Variants in RAD54L observed in about 807,000 individuals in gnomAD.
RAD54L encodes the protein DNA repair and recombination protein RAD54-like.
In RAD54L, 74 loss-of-function variants were observed where a neutral mutation model predicts 91.6. That is an observed-to-expected ratio of 0.81 (90% confidence interval 0.67 to 0.98). The LOEUF (loss-of-function observed/expected upper bound fraction) is 0.98. RAD54L is among the 50% of genes least tolerant of loss of function. The pLI, the probability that RAD54L is intolerant of heterozygous loss-of-function variation, is 0.00. For missense variants in RAD54L, 887 were observed against 945.7 expected (o/e 0.94, Z 0.81); for synonymous variants, 304 against 349.7 (o/e 0.87, Z 1.46).
rs139448277 is a variant in RAD54L at position 46,260,764 on chromosome 1, G to T, written c.515G>T (p.Arg172Leu). 1.2e-6 allele frequency: 2 copies of T among 1,614,206 alleles called. No homozygotes were observed. Among genetic ancestry groups the T allele is most frequent in the African/African-American group, 2.7e-5 (2 of 75,054 alleles). The change falls in exon 7 of 18, where the codon CGC (arginine) becomes CTC (leucine). Residue 172 changes from arginine to leucine, a missense_variant. Coordinates refer to ENST00000371975, the MANE Select transcript of RAD54L (RefSeq NM_003579.4). ...CTGTGGGAGTGTGTCACCAGTCGGC[G>T]CATCCCTGGCAGCCATGGCTGCATC... is the stretch of plus-strand genomic sequence containing the variant. ...KFLWECVTSRRIPGSHGCIMA... is the reference protein window; with the variant it reads ...KFLWECVTSRLIPGSHGCIMA...
Position 46,260,986 on chromosome 1 carries a change from G to T in RAD54L, c.737G>T (p.Gly246Val), listed in dbSNP as rs765201572. ...GRIQPLAIDG[G>V]SKDEIDQKLE... ...ATCCAACCTCTGGCCATCGATGGAG[G>T]ATCTAAGGATGAAATAGACCAAAAG... The change falls in exon 7 of 18, where the codon GGA (glycine) becomes GTA (valine). Residue 246 changes from glycine to valine, a missense_variant. Physicochemically the swap from Gly to Val is moderately radical, Grantham distance 109. Coordinates refer to ENST00000371975, the MANE Select transcript of RAD54L (RefSeq NM_003579.4). 17 of 1,613,848 alleles carry T rather than the reference G, an allele frequency of 1.1e-5. No homozygotes were observed. Among genetic ancestry groups the T allele is most frequent in the Admixed American group, 8.3e-5 (5 of 59,996 alleles).
In RAD54L at chr1:46,278,249, G is replaced by A. The variant is rs778055918; in HGVS notation, c.2211G>A (p.Gln737=). The change falls in exon 18 of 18, where the codon CAG becomes CAA. Residue 737 remains glutamine (Q), a synonymous_variant. Coordinates refer to ENST00000371975, the MANE Select transcript of RAD54L (RefSeq NM_003579.4). ...CTGCCATCACCTTCGTCTTCCACCAGCGTTCTCATGAGGAGCAGCGGGGCC... is the reference window on the plus strand; with the variant it reads ...CTGCCATCACCTTCGTCTTCCACCAACGTTCTCATGAGGAGCAGCGGGGCC... ...ASTAITFVFH[Q]RSHEEQRGLR 5 of 1,613,806 alleles carry A rather than the reference G, an allele frequency of 3.1e-6. No individual in the cohort carries two copies. The South Asian group carries it at 4.4e-5, about 14-fold the overall frequency.
intron 9 of RAD54L, among the ~76,000 whole-genome samples, chr1:46,269,230 T>G (rs1660352608): frequency 6.6e-6 from 1 of 152,230 alleles, no homozygotes; most frequent in Admixed American, 6.5e-5. Context: ...GTTTGTCTCC[T>G]TGTGTCAGTA....
chr1:46,277,825 C>T lies in RAD54L; in HGVS notation c.1878C>T (p.Thr626=). ...CACCTCCTCTTCCCCAGGCAGGGAC[C>T]ATTGAGGAGAAGATCTTCCAGCGTC... ...CYIYRLLSAG[T]IEEKIFQRQS... Residue 626 remains threonine, a synonymous_variant, in exon 17 of 18, where the codon ACC becomes ACT. Transcript: ENST00000371975. The T allele has an allele frequency of 6.2e-7, 1 of 1,608,068 alleles. No homozygotes were observed. Among genetic ancestry groups the T allele is most frequent in the Non-Finnish European group, 8.5e-7 (1 of 1,174,764 alleles).
chr1:46,260,149 G>A (rs758353347), intron 5 of RAD54L, 50 bp downstream of exon 5: 107 of 1,610,524 alleles, frequency 6.6e-5, no homozygotes, highest in Non-Finnish European at 8.0e-5. Flanking sequence ...GTATATGCAC[G>A]CATACTTGGG....
Position 46,278,353 on chromosome 1 carries a change from C to T in RAD54L, c.*71C>T. 2 of 1,484,200 alleles carry T rather than the reference C, an allele frequency of 1.3e-6. No homozygotes were observed. The highest frequency in any genetic ancestry group is 1.8e-6 in the Non-Finnish European group (2 of 1,086,768). 91.9% of individuals were successfully genotyped at this position (1,484,200 alleles called of 1,614,324 possible). A position where few individuals can be genotyped will look rare whatever the true frequency, so the allele number is the denominator to read the frequency against. Reference sequence around the variant, plus strand: ...AAAGGGGCTCCTTGCTCCACAGGGCCCTGTTGAATTTTGTTCTCTGGGAGA... The same window carrying T: ...AAAGGGGCTCCTTGCTCCACAGGGCTCTGTTGAATTTTGTTCTCTGGGAGA... On this transcript the variant is annotated 3_prime_UTR_variant, in exon 18 of 18. Coordinates refer to ENST00000371975, the MANE Select transcript of RAD54L (RefSeq NM_003579.4).
In RAD54L at chr1:46,250,153, T is replaced by C. The variant is rs749733827; in HGVS notation, c.210+34T>C. The C allele has an allele frequency of 6.2e-6, 10 of 1,613,622 alleles. 1 individual carries two copies. The South Asian group carries it at 9.9e-5, about 16-fold the overall frequency. ...GAACTGCAACCTGCATGTGTATGTC[T>C]GTGCCCAGTCACTCAGCCTAGGTAG... On this transcript the variant is annotated intron_variant, in intron 3 of 17. Coordinates refer to ENST00000371975, the MANE Select transcript of RAD54L (RefSeq NM_003579.4).
rs1179149274 is a variant in RAD54L, at chr1:46,274,216, G to A, written c.1689G>A (p.Ser563=). Reference sequence around the variant, plus strand: ...TTGTAGAACGCTTCAATAGTCCATCGGTAAATGCACATCCCCGTCCCCACA... The same window carrying A: ...TTGTAGAACGCTTCAATAGTCCATCAGTAAATGCACATCCCCGTCCCCACA... The part of the protein sequence containing the change: ...AKVVERFNSP[S]SPDFVFMLSS... Residue 563 remains serine, a splice_region_variant and synonymous_variant, in exon 15 of 18, where the codon TCG becomes TCA. Coordinates refer to ENST00000371975, the MANE Select transcript of RAD54L (RefSeq NM_003579.4). 11 of 1,609,080 alleles carry A rather than the reference G, an allele frequency of 6.8e-6. No homozygotes were observed. The highest frequency in any genetic ancestry group is 9.4e-6 in the Non-Finnish European group (11 of 1,175,700).
At chr1:46,256,918 C>T (rs949477245) in intron 3 of RAD54L, among the ~76,000 whole-genome samples, 3 of 151,868 alleles carry the variant, frequency 2.0e-5, no homozygotes, top group African/African-American at 2.4e-5. Context: ...CCAAGGTGGA[C>T]GGATCACTTG....
In RAD54L at chr1:46,267,604, T is replaced by A; in HGVS notation, c.1037T>A (p.Ile346Asn). ...TTGGTACATTTTGTTAATTCCGGCA[T>A]CCTAGGTAAGAATCTAGCCTTGTTT... ...FSLVHFVNSGILGTAHEFKKH... is the reference protein window; with the variant it reads ...FSLVHFVNSGNLGTAHEFKKH... Residue 346 changes from isoleucine (I) to asparagine (N), a missense_variant, in exon 9 of 18, where the codon ATC becomes AAC. Physicochemically the swap from Ile to Asn is moderately radical, Grantham distance 149. Transcript: ENST00000371975. 6.2e-7 allele frequency: 1 copy of A among 1,610,670 alleles called. No individual in the cohort carries two copies. The highest frequency in any genetic ancestry group is 8.5e-7 in the Non-Finnish European group (1 of 1,176,938).
chr1:46,278,453 G>A lies in RAD54L; in HGVS notation c.*171G>A. 2 of 836,060 alleles carry A rather than the reference G, an allele frequency of 2.4e-6. No individual in the cohort carries two copies. Among genetic ancestry groups the A allele is most frequent in the Non-Finnish European group, 3.8e-6 (2 of 527,232 alleles). The allele number at this position is 836,060 out of a possible 1,614,324, so 51.8% of individuals were successfully genotyped here. A position where few individuals can be genotyped will look rare whatever the true frequency, so the allele number is the denominator to read the frequency against. On this transcript the variant is annotated 3_prime_UTR_variant, in exon 18 of 18. Coordinates refer to ENST00000371975, the MANE Select transcript of RAD54L (RefSeq NM_003579.4). ...GAAAAACTTTTTTGGTTAAAAAAAAGAATAAAGGTATGAAAGGGTTTGAGG... is the reference window on the plus strand; with the variant it reads ...GAAAAACTTTTTTGGTTAAAAAAAAAAATAAAGGTATGAAAGGGTTTGAGG...
intron 4 of RAD54L, 104 bp from the exon 5 acceptor site, chr1:46,259,860 A>C: frequency 2.0e-6 from 3 of 1,466,798 alleles, no homozygotes; most frequent in Non-Finnish European, 2.9e-6. Context: ...AGAGAGGGTC[A>C]TATGGGAGCT....
At chr1:46,255,747 C>T (rs565711813) in intron 3 of RAD54L, among the ~76,000 whole-genome samples, 5 of 152,086 alleles carry the variant, frequency 3.3e-5, no homozygotes, top group African/African-American at 7.2e-5. Context: ...GTGACCTGCC[C>T]GCCTTGGCCT....
Position 46,258,686 on chromosome 1 carries a change from G to A in RAD54L, c.211G>A (p.Glu71Lys). ...QPPCLDSSQH[E>K]AFIRSILSKP... ...ATCCTTGTTTCTCCTTTCTTTTTAG[G>A]AAGCATTTATTCGAAGCATTTTGTC... Residue 71 changes from glutamate to lysine, a missense_variant and splice_region_variant, in exon 4 of 18, where the codon GAA (glutamate) becomes AAA (lysine). Coordinates refer to ENST00000371975, the MANE Select transcript of RAD54L (RefSeq NM_003579.4). The A allele has an allele frequency of 2.5e-6, 4 of 1,600,044 alleles. No homozygotes were observed. The highest frequency in any genetic ancestry group is 2.7e-5 in the African/African-American group (2 of 74,698).
Position 46,272,554 on chromosome 1 carries a change from C to T in RAD54L, c.1244+14C>T. 6.2e-7 allele frequency: 1 copy of T among 1,609,850 alleles called. No individual in the cohort carries two copies. Among genetic ancestry groups the T allele is most frequent in the Non-Finnish European group, 8.5e-7 (1 of 1,176,156 alleles). On this transcript the variant is annotated intron_variant, in intron 11 of 17. Transcript: ENST00000371975. ...CGTTTGTTGTAGGTACTGAACTCAA[C>T]TGAAAGATGTGGAGTGGGTCAAAGC...
Position 46,260,985 on chromosome 1 carries a change from G to A in RAD54L, c.736G>A (p.Gly246Arg), listed in dbSNP as rs1169874550. ...GRIQPLAIDG[G>R]SKDEIDQKLE... The stretch of plus-strand genomic sequence containing the variant: ...GATCCAACCTCTGGCCATCGATGGA[G>A]GATCTAAGGATGAAATAGACCAAAA... The change falls in exon 7 of 18, where the codon GGA becomes AGA. Residue 246 changes from glycine (G) to arginine (R), a missense_variant. Physicochemically the swap from Gly to Arg is moderately radical, Grantham distance 125. Transcript: ENST00000371975. 11 of 1,613,878 alleles carry A rather than the reference G, an allele frequency of 6.8e-6. No individual in the cohort carries two copies. In the Admixed American group the frequency reaches 1.2e-4, roughly 17 times the overall value.
In RAD54L at chr1:46,263,800, C is replaced by T. The variant is rs1166874043; in HGVS notation, c.891+2415C>T. Among the ~76,000 whole-genome samples the T allele has an allele frequency of 2.6e-5, 4 of 151,748 alleles. No homozygotes were observed. The highest frequency in any genetic ancestry group is 2.0e-4 in the Admixed American group (3 of 15,208). ...TAGGGAGCATCTAAATTTTTTTCTA[C>T]TTTTTGTTTTTTTTTGAGACAAGGG... On this transcript the variant is annotated intron_variant, in intron 8 of 17. Coordinates refer to ENST00000371975, the MANE Select transcript of RAD54L (RefSeq NM_003579.4). The surrounding 1 kb of genome is among the most constrained non-coding windows in gnomAD (Gnocchi z 4.3).
rs1291998355 is a variant in RAD54L at position 46,250,055 on chromosome 1, C to G, written c.146C>G (p.Ser49Cys). ...ACCCAGATCCAGGAGTGTTTCCTGT[C>G]TCCTTTTCGGAAACCTTTGAGTCAG... ...SETQIQECFL[S>C]PFRKPLSQLT... is the part of the protein sequence containing the mutation. The change falls in exon 3 of 18, where the codon TCT (serine) becomes TGT (cysteine). Residue 49 changes from serine (S) to cysteine (C), a missense_variant. Coordinates refer to ENST00000371975, the MANE Select transcript of RAD54L (RefSeq NM_003579.4). The G allele has an allele frequency of 6.2e-7, 1 of 1,614,078 alleles. No individual in the cohort carries two copies. Among genetic ancestry groups the G allele is most frequent in the South Asian group, 1.1e-5 (1 of 91,084 alleles).
chr1:46,250,533 CAG>C (rs1241531785), intron 3 of RAD54L, among the ~76,000 whole-genome samples: 1 of 152,122 alleles, frequency 6.6e-6, no homozygotes, highest in African/African-American at 2.4e-5. Context: ...AAAACAGTCT[CAG>C]AAGGGTTAAG....
Sources: gnomAD v4.1 joint callset for allele counts (sites outside exome capture counted in the v4.1 genomes callset) on GRCh38, gnomAD v4.1.1 for gene constraint, Gnocchi (gnomAD v3.1) non-coding constraint, MANE v1.5 for transcripts, NCBI Gene and HGNC (gene_info 2026-07-23, HGNC 2026-07-21) for gene names.